CPM: variants seen among roughly 807,000 people sequenced by gnomAD.
The protein encoded by CPM is carboxypeptidase M.
CPM carries 35 observed loss-of-function variants against 46.4 expected under a neutral mutation model. The observed-to-expected ratio is 0.75, with a 90% CI of 0.58 to 1.00. CPM has a LOEUF of 1.00. CPM is among the 50% of genes least tolerant of loss of function. The probability of loss-of-function intolerance (pLI) is 0.00; values close to 1 mark genes in which losing one functional copy is unlikely to be tolerated. For synonymous variants in CPM, 195 were observed against 195.3 expected (o/e 1.00, Z 0.01); for missense variants, 422 against 530.4 (o/e 0.80, Z 2.01).
upstream of CPM, among the ~76,000 whole-genome samples, chr12:68,933,611 G>A (rs1199398722): frequency 6.6e-6 from 1 of 152,108 alleles, no homozygotes; most frequent in Non-Finnish European, 1.5e-5. Context: ...GGACGCATGC[G>A]GAGTCCTGAG....
At chr12:68,934,811 T>G (rs977688982), upstream of CPM, among the ~76,000 whole-genome samples, 48 of 152,370 alleles carry the variant, frequency 3.2e-4, no homozygotes, top group African/African-American at 1.1e-3. Flanking sequence ...AGGCACATTG[T>G]AAGAACTGTG....
chr12:68,888,031 T>C (rs1886509566), intron 2 of CPM, among the ~76,000 whole-genome samples: 2 of 152,242 alleles, frequency 1.3e-5, no homozygotes, highest in Admixed American at 6.5e-5. Flanking sequence ...ACCATTTTCA[T>C]ATGAAACAAG....
chr12:68,864,374 G>A (rs370871625), intron 7 of CPM, among the ~76,000 whole-genome samples: 6 of 149,982 alleles, frequency 4.0e-5, no homozygotes, highest in African/African-American at 9.8e-5. Context: ...CCTGGGAGGC[G>A]GAGGTTACAG....
In CPM at chr12:68,918,196, C is replaced by T. The variant is rs116703214; in HGVS notation, c.160+14482G>A. On this transcript the variant is annotated intron_variant, in intron 2 of 8. Transcript: ENST00000551568. ...CTTCTACCTCATTACTGATCTTTTC[C>T]CATCTCCATTCTTGGCTCCTCTACT... Among the ~76,000 whole-genome samples the T allele has an allele frequency of 4.1e-3, 626 of 152,188 alleles. 3 individuals are homozygous for T. Among genetic ancestry groups the T allele is most frequent in the African/African-American group, 0.014 (593 of 41,530 alleles).
upstream of CPM, among the ~76,000 whole-genome samples, chr12:68,935,332 C>T (rs1888656936): frequency 6.6e-6 from 1 of 152,132 alleles, no homozygotes; most frequent in Non-Finnish European, 1.5e-5. Flanking sequence ...GCAATCTCAG[C>T]TCACTGCAGC....
chr12:68,922,477 G>A (rs1408650754), intron 2 of CPM, among the ~76,000 whole-genome samples: 1 of 152,192 alleles, frequency 6.6e-6, no homozygotes, highest in Non-Finnish European at 1.5e-5. Flanking sequence ...TGAATTCTGT[G>A]ATAGACTAAA....
At position 68,854,277 on chromosome 12, in the gene CPM, C is replaced by T. The variant is rs1320283408; in HGVS notation, c.*2160G>A. ...GACTGGGAGTAGCAGTCTCCTGGCACCCCTTGTTCATTCATTCATTCAGTA... is the reference window on the plus strand; with the variant it reads ...GACTGGGAGTAGCAGTCTCCTGGCATCCCTTGTTCATTCATTCATTCAGTA... On this transcript the variant is annotated 3_prime_UTR_variant, in exon 9 of 9. Transcript: ENST00000551568. The T allele has an allele frequency of 6.6e-6, 1 of 152,174 alleles. No homozygotes were observed. The highest frequency in any genetic ancestry group is 1.5e-5 in the Non-Finnish European group (1 of 68,052). 9.4% of individuals were successfully genotyped at this position (152,174 alleles called of 1,614,324 possible).
At chr12:68,936,353 G>A (rs1197899642), upstream of CPM, among the ~76,000 whole-genome samples, 1 of 152,250 alleles carries the variant, frequency 6.6e-6, no homozygotes, top group East Asian at 1.9e-4. Context: ...GTAAAATACT[G>A]AAGTTTAGAG....
In CPM at chr12:68,856,401, C is replaced by G. The variant is rs781314152; in HGVS notation, c.*36G>C. ...AACCTGGAGTGAGCAATCCCTGATT[C>G]CAGGTGGTGATGTGGGTTGAGTTTC... is the stretch of plus-strand genomic sequence containing the variant. On this transcript the variant is annotated 3_prime_UTR_variant, in exon 9 of 9. Coordinates refer to ENST00000551568, the MANE Select transcript of CPM (RefSeq NM_198320.5). 2 of 1,594,890 alleles carry G rather than the reference C, an allele frequency of 1.3e-6. No individual in the cohort carries two copies. The highest frequency in any genetic ancestry group is 1.1e-5 in the South Asian group (1 of 86,980).
intron 2 of CPM, among the ~76,000 whole-genome samples, chr12:68,915,781 G>A (rs111835231): frequency 0.016 from 2,509 of 152,250 alleles, 65 homozygotes; most frequent in African/African-American, 0.057. Context: ...TACATAAATC[G>A]CTAAAAGACA....
chr12:68,885,889 C>T lies in CPM; in HGVS notation c.161G>A (p.Gly54Asp). ...HLHSIGKSVKGRNLWVLVVGR... is the reference protein window; with the variant it reads ...HLHSIGKSVKDRNLWVLVVGR... Reference sequence around the variant, plus strand: ...CACAACAAGAACCCACAGGTTTCTACCTTTACAGGAAAAGAAGAAAAGATG... The same window carrying T: ...CACAACAAGAACCCACAGGTTTCTATCTTTACAGGAAAAGAAGAAAAGATG... Residue 54 changes from glycine to aspartate, a missense_variant and splice_region_variant, in exon 3 of 9, where the codon GGT (glycine) becomes GAT (aspartate). Physicochemically the swap from Gly to Asp is moderately conservative, Grantham distance 94 (BLOSUM62 -1). Transcript: ENST00000551568. 6.2e-7 allele frequency: 1 copy of T among 1,611,390 alleles called. No individual in the cohort carries two copies. The highest frequency in any genetic ancestry group is 8.5e-7 in the Non-Finnish European group (1 of 1,178,854).
At chr12:68,930,024 C>T (rs1416559797) in intron 2 of CPM, among the ~76,000 whole-genome samples, 2 of 152,082 alleles carry the variant, frequency 1.3e-5, no homozygotes, top group Non-Finnish European at 2.9e-5. Flanking sequence ...AGACTGCCCA[C>T]GTTAATACAT....
chr12:68,877,617 G>A (rs1297549688), intron 3 of CPM, among the ~76,000 whole-genome samples: 1 of 152,116 alleles, frequency 6.6e-6, no homozygotes, highest in East Asian at 1.9e-4. Context: ...TATTTCACCT[G>A]GAAAACAATG....
intron 1 of CPM, among the ~76,000 whole-genome samples, chr12:68,949,725 T>C (rs575149885): frequency 1.7e-4 from 26 of 152,330 alleles, no homozygotes; most frequent in Non-Finnish European, 3.1e-4. Flanking sequence ...TGGATCATGC[T>C]TGTGGTGCAC....
At chr12:68,961,698 G>C (rs1889114647) in intron 1 of CPM, among the ~76,000 whole-genome samples, 1 of 151,880 alleles carries the variant, frequency 6.6e-6, no homozygotes, top group Admixed American at 6.6e-5. Flanking sequence ...TGGATCACTT[G>C]AGGTCAGGAG....
At chr12:68,961,894 G>C (rs1889120057) in intron 1 of CPM, among the ~76,000 whole-genome samples, 1 of 151,648 alleles carries the variant, frequency 6.6e-6, no homozygotes, top group African/African-American at 2.4e-5. Flanking sequence ...TTTTAAAATA[G>C]GTTTTAAAAA....
chr12:68,906,292 C>A (rs73146641), intron 2 of CPM, among the ~76,000 whole-genome samples: 25,482 of 151,900 alleles, frequency 0.17, 2,811 homozygotes, highest in African/African-American at 0.31. Flanking sequence ...GGGCCCCATC[C>A]AGAACAGGAA....
At chr12:68,920,874 A>G (rs377613892) in intron 2 of CPM, among the ~76,000 whole-genome samples, 2 of 141,926 alleles carry the variant, frequency 1.4e-5, no homozygotes, top group East Asian at 4.1e-4. Context: ...TTTTTTTTGC[A>G]TTTTTTTAGT....
chr12:68,926,566 T>TTTA (rs1017427552), intron 2 of CPM, among the ~76,000 whole-genome samples: 9 of 152,034 alleles, frequency 5.9e-5, no homozygotes, highest in Admixed American at 5.9e-4. Context: ...TTTATTTTAT[T>TTTA]TTATTATTAT....
Sources: allele counts gnomAD v4.1 joint callset (sites outside exome capture counted in the v4.1 genomes callset), GRCh38; gene constraint gnomAD v4.1.1; transcripts MANE v1.5; gene names NCBI Gene and HGNC (gene_info 2026-07-23, HGNC 2026-07-21).